The following PTPRC variants were observed in gnomAD, a reference collection of about 807,000 sequenced individuals.
PTPRC encodes protein tyrosine phosphatase receptor type C, also known as receptor-type tyrosine-protein phosphatase C.
A neutral mutation model predicts 155.9 loss-of-function variants in PTPRC; 44 were observed. That is an observed-to-expected ratio of 0.28 (90% CI 0.22 to 0.36). The LOEUF (loss-of-function observed/expected upper bound fraction) is 0.36, where lower values mean the gene tolerates loss of function less well. Ranked by LOEUF, PTPRC falls within the 10% of genes least tolerant of loss-of-function variation. The pLI, the probability that PTPRC is intolerant of heterozygous loss-of-function variation, is 1.00. For missense variants in PTPRC, 1,401 were observed against 1,564.6 expected, an observed-to-expected ratio of 0.90 and a Z score of 1.76; for synonymous variants, 525 against 533.1, an observed-to-expected ratio of 0.98 and a Z score of 0.21.
At chr1:198,700,550 G>A (rs1022780307) in intron 5 of PTPRC, among the ~76,000 whole-genome samples, 18 of 152,122 alleles carry the variant, frequency 1.2e-4, no homozygotes, top group African/African-American at 2.7e-4. Context: ...GAGAAGAGCC[G>A]CCCTCACCTT....
chr1:198,724,758 T>A (rs952064370), intron 15 of PTPRC, among the ~76,000 whole-genome samples: 1 of 152,026 alleles, frequency 6.6e-6, no homozygotes. Flanking sequence ...TTTCTGTCTT[T>A]ATTCTTGGTC....
At chr1:198,659,983 G>T (rs1272952670) in intron 2 of PTPRC, among the ~76,000 whole-genome samples, 2 of 127,456 alleles carry the variant, frequency 1.6e-5, no homozygotes, top group Non-Finnish European at 3.3e-5. Flanking sequence ...TATATAAATA[G>T]ATTATATCTA....
intron 14 of PTPRC, among the ~76,000 whole-genome samples, chr1:198,721,341 T>TCGGATTAAAAA (rs1233177158): frequency 6.6e-6 from 1 of 152,154 alleles, no homozygotes; most frequent in African/African-American, 2.4e-5. Flanking sequence ...ATTAAAAGTG[T>TCGGATTAAAAA]TTTCTTCCTT....
At position 198,742,248 on chromosome 1, in the gene PTPRC, A is replaced by G. The variant is rs1182454664; in HGVS notation, c.2578A>G (p.Thr860Ala). 6.2e-7 allele frequency: 1 copy of G among 1,612,290 alleles called. No homozygotes were observed. The stretch of plus-strand genomic sequence containing the variant: ...GTTTGCCAGTGCTGGTGTTGGGCGC[A>G]CAGGAACCTATATCGGAATTGATGC... Reference protein sequence around the residue: ...VVHCSAGVGRTGTYIGIDAML... With the variant: ...VVHCSAGVGRAGTYIGIDAML... Residue 860 changes from threonine (T) to alanine (A), a missense_variant, in exon 25 of 33, where the codon ACA becomes GCA. Physicochemically the swap from Thr to Ala is moderately conservative, Grantham distance 58 (BLOSUM62 0). Transcript: ENST00000442510.
Position 198,748,210 on chromosome 1 carries a change from T to C in PTPRC, c.2938+11T>C, listed in dbSNP as rs1655227700. 6.3e-7 allele frequency: 1 copy of C among 1,593,864 alleles called. No homozygotes were observed. Among genetic ancestry groups the C allele is most frequent in the Non-Finnish European group, 8.5e-7 (1 of 1,170,992 alleles). ...CTAATGTCATCCCATGTATGTAGTT[T>C]ATTTTTTTATTTTTTGTATCAGATA... On this transcript the variant is annotated intron_variant, in intron 27 of 32. Coordinates refer to ENST00000442510, the MANE Select transcript of PTPRC (RefSeq NM_002838.5).
chr1:198,752,405 A>T, intron 30 of PTPRC, 34 bp downstream of exon 30: 1 of 1,609,210 alleles, frequency 6.2e-7, no homozygotes, highest in Non-Finnish European at 8.5e-7. Context: ...TATTTCTTTG[A>T]TATAATGGAT....
intron 23 of PTPRC, among the ~76,000 whole-genome samples, chr1:198,739,264 A>G (rs1421872143): frequency 7.4e-6 from 1 of 135,970 alleles, no homozygotes; most frequent in African/African-American, 2.8e-5. Flanking sequence ...TAAACTCTCT[A>G]AACAAAATAC....
intron 2 of PTPRC, among the ~76,000 whole-genome samples, chr1:198,657,001 A>G (rs1270862744): frequency 6.6e-6 from 1 of 150,572 alleles, no homozygotes; most frequent in Non-Finnish European, 1.5e-5. Flanking sequence ...TAACTCCACC[A>G]TAGGATGGAA....
chr1:198,692,399 C>G (rs546110941), intron 3 of PTPRC, 26 bp downstream of exon 3: 1 of 1,374,084 alleles, frequency 7.3e-7, no homozygotes, highest in African/African-American at 1.5e-5. Flanking sequence ...TATATTTTTA[C>G]TAATTTTATT....
intron 23 of PTPRC, among the ~76,000 whole-genome samples, chr1:198,737,396 A>C (rs949950502): frequency 6.6e-6 from 1 of 151,616 alleles, no homozygotes; most frequent in East Asian, 1.9e-4. Flanking sequence ...CTTTAGTTTC[A>C]TTCTTCCACA....
intron 2 of PTPRC, among the ~76,000 whole-genome samples, chr1:198,675,052 T>G (rs1169631177): frequency 6.6e-6 from 1 of 152,160 alleles, no homozygotes; most frequent in East Asian, 1.9e-4. Context: ...TTGAAGACTG[T>G]TCATTGCCTC....
At chr1:198,735,072 TA>T (rs1192836924) in intron 22 of PTPRC, 54 bp from the exon 23 acceptor site, 7 of 1,447,366 alleles carry the variant, frequency 4.8e-6, no homozygotes, top group Non-Finnish European at 5.6e-6. Context: ...GAAAGTTTGA[TA>T]AAAAATTGGC....
intron 11 of PTPRC, among the ~76,000 whole-genome samples, chr1:198,710,095 C>G (rs1043634534): frequency 1.3e-5 from 2 of 152,144 alleles, no homozygotes; most frequent in African/African-American, 4.8e-5. Flanking sequence ...AAATTTAGCT[C>G]TGTTACCCAC....
intron 2 of PTPRC, among the ~76,000 whole-genome samples, chr1:198,681,636 A>T (rs1393013809): frequency 6.6e-6 from 1 of 151,752 alleles, no homozygotes; most frequent in African/African-American, 2.4e-5. Flanking sequence ...ATTTTCTCCA[A>T]GTTGCATAAT....
chr1:198,725,498 A>T (rs956492907), intron 15 of PTPRC, among the ~76,000 whole-genome samples: 2 of 152,196 alleles, frequency 1.3e-5, no homozygotes, highest in African/African-American at 2.4e-5. Context: ...TTGTGTGGTA[A>T]AGTGTGAAAA....
Position 198,734,216 on chromosome 1 carries a change from A to G in PTPRC, c.2163A>G (p.Lys721=), listed in dbSNP as rs1654520387. ...SYIDGFKEPR[K]YIAAQGPRDE... The stretch of plus-strand genomic sequence containing the variant: ...AATAGGGTTTCAAAGAACCCAGGAA[A>G]TACATTGCTGCACAAGGTAATTTCT... Residue 721 remains lysine (K), a synonymous_variant, in exon 21 of 33, where the codon AAA becomes AAG. Transcript: ENST00000442510. The G allele has an allele frequency of 1.9e-6, 3 of 1,610,788 alleles. No homozygotes were observed. In the African/African-American group the frequency reaches 4.0e-5, roughly 22 times the overall value.
chr1:198,737,773 T>C (rs1018500481), intron 23 of PTPRC, among the ~76,000 whole-genome samples: 1 of 151,846 alleles, frequency 6.6e-6, no homozygotes, highest in Non-Finnish European at 1.5e-5. Flanking sequence ...TTAATAATAC[T>C]GAGTCTTTCA....
intron 2 of PTPRC, among the ~76,000 whole-genome samples, chr1:198,685,364 A>T (rs1405836351): frequency 6.6e-6 from 1 of 151,898 alleles, no homozygotes; most frequent in African/African-American, 2.4e-5. Context: ...GCTTACTGGG[A>T]TGCTTAAAAG....
At chr1:198,650,025 G>A (rs1314260900) in intron 2 of PTPRC, among the ~76,000 whole-genome samples, 3 of 151,770 alleles carry the variant, frequency 2.0e-5, no homozygotes, top group Admixed American at 6.6e-5. Context: ...TGGCTGACAA[G>A]AATATGGGGA....
Sources: allele counts gnomAD v4.1 joint callset (sites outside exome capture counted in the v4.1 genomes callset), GRCh38; gene constraint gnomAD v4.1.1; transcripts MANE v1.5; gene names NCBI Gene and HGNC (gene_info 2026-07-23, HGNC 2026-07-21).